Variants in NPM1 observed in about 807,000 individuals in gnomAD.
The protein encoded by NPM1 is nucleophosmin 1.
NPM1 carries 1 observed loss-of-function variant against 44.1 expected under a neutral mutation model. The ratio of observed to expected loss-of-function variants is 0.02; its 90% confidence interval spans 0.01 to 0.11. NPM1 has a LOEUF of 0.11. Among genes scored for constraint, NPM1 ranks in the 10% least tolerant of loss-of-function variants. The pLI, the probability that NPM1 is intolerant of heterozygous loss-of-function variation, is 1.00. For synonymous variants in NPM1, 126 were observed against 111.8 expected, an observed-to-expected ratio of 1.13 and a Z score of -0.80; for missense variants, 197 against 347.8, an observed-to-expected ratio of 0.57 and a Z score of 3.45.
chr5:171,389,072 C>A (rs1226758172), intron 1 of NPM1, among the ~76,000 whole-genome samples: 2 of 152,188 alleles, frequency 1.3e-5, no homozygotes, highest in Admixed American at 6.5e-5. Context: ...TAAGACTATT[C>A]GCAGAATTTT....
intron 8 of NPM1, among the ~76,000 whole-genome samples, chr5:171,403,056 G>C (rs1343572003): frequency 8.8e-6 from 1 of 113,682 alleles, no homozygotes. Flanking sequence ...TCTCACAGAG[G>C]GGGATTTGGC....
intron 8 of NPM1, among the ~76,000 whole-genome samples, chr5:171,403,630 AG>A (rs1279837684): frequency 5.4e-5 from 4 of 74,264 alleles, no homozygotes; most frequent in South Asian, 5.4e-4. Context: ...CTGGCCGGGC[AG>A]GGGGGCTGAC....
chr5:171,407,435 C>T, intron 9 of NPM1: 4 of 438,006 alleles, frequency 9.1e-6, no homozygotes, highest in African/African-American at 6.2e-5. Flanking sequence ...TGTCGAATCT[C>T]AAGTGTAGCT....
intron 8 of NPM1, among the ~76,000 whole-genome samples, chr5:171,404,736 C>T (rs1183340055): frequency 2.1e-4 from 30 of 145,616 alleles, no homozygotes; most frequent in African/African-American, 7.4e-4. Context: ...GACGGGGTGG[C>T]GGCCGGGCAG....
At chr5:171,408,868 A>C (rs1378848140) in intron 10 of NPM1, among the ~76,000 whole-genome samples, 1 of 152,226 alleles carries the variant, frequency 6.6e-6, no homozygotes, top group Non-Finnish European at 1.5e-5. Flanking sequence ...ACTACTGCCA[A>C]GGAAAGTGAT....
At chr5:171,408,993 T>C (rs1771699161) in intron 10 of NPM1, among the ~76,000 whole-genome samples, 1 of 152,210 alleles carries the variant, frequency 6.6e-6, no homozygotes, top group Non-Finnish European at 1.5e-5. Flanking sequence ...AGAAGTATTT[T>C]CTTTTTATAA....
intron 1 of NPM1, among the ~76,000 whole-genome samples, chr5:171,388,549 G>T (rs534550250): frequency 2.0e-5 from 3 of 151,104 alleles, no homozygotes; most frequent in South Asian, 4.2e-4. Context: ...GCGGCGCGGC[G>T]TGAGGAGGCC....
intron 3 of NPM1, 50 bp from the exon 4 acceptor site, chr5:171,391,656 A>G (rs1770583866): frequency 2.3e-6 from 3 of 1,311,556 alleles, no homozygotes; most frequent in Admixed American, 1.7e-5. Context: ...TGTAATGTTT[A>G]TTGTTCATTT....
chr5:171,409,938 T>TA (rs1312772258), intron 10 of NPM1, among the ~76,000 whole-genome samples: 1 of 152,112 alleles, frequency 6.6e-6, no homozygotes, highest in African/African-American at 2.4e-5. Flanking sequence ...GGGCCTCCTG[T>TA]AGTTGCACAC....
chr5:171,400,325 T>TGAGGGAGATCATCTCATACC, intron 7 of NPM1, 115 bp downstream of exon 7: 1 of 1,193,690 alleles, frequency 8.4e-7, no homozygotes, highest in Non-Finnish European at 1.2e-6. Context: ...CATCTCATAC[T>TGAGGGAGATCATCTCATACC]GAAAATTAGT....
intron 10 of NPM1, 146 bp downstream of exon 10, chr5:171,407,920 C>T: frequency 3.3e-6 from 2 of 603,666 alleles, no homozygotes; most frequent in Non-Finnish European, 5.8e-6. Context: ...CCTGAAAACT[C>T]ATGTATTTAA....
At chr5:171,388,110 GC>G in intron 1 of NPM1, 104 bp downstream of exon 1, 2 of 1,039,068 alleles carry the variant, frequency 1.9e-6, no homozygotes, top group Non-Finnish European at 2.9e-6. Flanking sequence ...GGTGGAGACC[GC>G]CAGACCGACG....
upstream of NPM1, chr5:171,387,384 G>C (rs911543646): frequency 6.0e-6 from 1 of 167,750 alleles, no homozygotes; most frequent in Non-Finnish European, 1.3e-5. Context: ...ACGCCTGTTT[G>C]GAGGCTTGCA....
chr5:171,392,943 T>C lies in NPM1; in HGVS notation c.489T>C (p.Asp163=), dbSNP rs762935997. 1 of 1,609,128 alleles carries C rather than the reference T, an allele frequency of 6.2e-7. No individual in the cohort carries two copies. The highest frequency in any genetic ancestry group is 8.5e-7 in the Non-Finnish European group (1 of 1,175,762). The change falls in exon 6 of 11, where the codon GAT becomes GAC. Residue 163 remains aspartate (D), a synonymous_variant. Coordinates refer to ENST00000296930, the MANE Select transcript of NPM1 (RefSeq NM_002520.7). ...AAGTAAAACTTGCTGCTGATGAAGATGATGACGATGATGATGAAGAGGATG... is the reference window on the plus strand; with the variant it reads ...AAGTAAAACTTGCTGCTGATGAAGACGATGACGATGATGATGAAGAGGATG... ...QKKVKLAADE[D]DDDDDEEDDD...
chr5:171,405,353 C>A lies in NPM1; in HGVS notation c.721C>A (p.Pro241Thr). 1 of 1,597,436 alleles carries A rather than the reference C, an allele frequency of 6.3e-7. No homozygotes were observed. Among genetic ancestry groups the A allele is most frequent in the South Asian group, 1.1e-5 (1 of 89,216 alleles). The change falls in exon 9 of 11, where the codon CCT becomes ACT. Residue 241 changes from proline (P) to threonine (T), a missense_variant. Pro to Thr is a conservative substitution (Grantham distance 38). Around this residue, in one of 5 missense-constraint regions of NPM1, gnomAD observed 47 missense variants for 106.5 expected, o/e 0.44. Transcript: ENST00000296930. ...AAAAACTCCTAAAACACCAAAAGGACCTAGTTCTGTAGAAGACATTAAAGC... is the reference window on the plus strand; with the variant it reads ...AAAAACTCCTAAAACACCAAAAGGAACTAGTTCTGTAGAAGACATTAAAGC... ...QEKTPKTPKG[P>T]SSVEDIKAKM...
intron 6 of NPM1, among the ~76,000 whole-genome samples, chr5:171,396,990 A>C (rs1770930954): frequency 6.6e-6 from 1 of 152,154 alleles, no homozygotes. Flanking sequence ...TGTGCAGTTC[A>C]GTGGTTTTAG....
At position 171,400,139 on chromosome 5, in the gene NPM1, C is replaced by T; in HGVS notation, c.525-14C>T. 6.9e-6 allele frequency: 10 copies of T among 1,454,772 alleles called. No individual in the cohort carries two copies. Among genetic ancestry groups the T allele is most frequent in the Non-Finnish European group, 9.6e-6 (10 of 1,037,524 alleles). 90.1% of individuals were successfully genotyped at this position (1,454,772 alleles called of 1,614,324 possible). A position where few individuals can be genotyped will look rare whatever the true frequency, so the allele number is the denominator to read the frequency against. ...ATTTTGAAAGTGCTTAATGTCTTGA[C>T]ATTTCATTTGTAGTGATGATGATGA... is the stretch of plus-strand genomic sequence containing the variant. On this transcript the variant is annotated splice_polypyrimidine_tract_variant and intron_variant, in intron 6 of 10. Transcript: ENST00000296930.
At chr5:171,401,071 A>T in intron 8 of NPM1, 146 bp downstream of exon 8, 1 of 626,826 alleles carries the variant, frequency 1.6e-6, no homozygotes, top group Non-Finnish European at 2.8e-6. Flanking sequence ...AGCTTGCTGC[A>T]GCCAGGCTCA....
At chr5:171,401,396 A>T (rs1381180633) in intron 8 of NPM1, among the ~76,000 whole-genome samples, 1 of 152,022 alleles carries the variant, frequency 6.6e-6, no homozygotes, top group African/African-American at 2.4e-5. Flanking sequence ...ACACACACAC[A>T]CACAAACATA....
Sources: gnomAD v4.1 joint callset for allele counts (sites outside exome capture counted in the v4.1 genomes callset) on GRCh38, gnomAD v4.1.1 for gene constraint, gnomAD v4.1.1 regional missense constraint, MANE v1.5 for transcripts, NCBI Gene and HGNC (gene_info 2026-07-23, HGNC 2026-07-21) for gene names.